The following ANKRD36C variants were observed in gnomAD, a reference collection of about 807,000 sequenced individuals.
ANKRD36C encodes ankyrin repeat domain-containing protein 36C.
ANKRD36C carries 61 observed loss-of-function variants against 276.4 expected under a neutral mutation model. The ratio of observed to expected loss-of-function variants is 0.22; its 90% confidence interval spans 0.18 to 0.27. The LOEUF is 0.27. ANKRD36C is among the 10% of genes least tolerant of loss of function. The probability of loss-of-function intolerance (pLI) is 1.00; values close to 1 mark genes in which losing one functional copy is unlikely to be tolerated. For synonymous variants in ANKRD36C, 483 were observed against 680.1 expected (o/e 0.71, Z 4.51); for missense variants, 1,447 against 2,032.3 (o/e 0.71, Z 5.54).
At chr2:95,960,438 G>C (rs772362416) in intron 10 of ANKRD36C, 35 bp downstream of exon 10, 2 of 1,540,550 alleles carry the variant, frequency 1.3e-6, no homozygotes, top group Admixed American at 3.9e-5. Context: ...TCTATCTTCA[G>C]TGAACGTGGC....
intron 6 of ANKRD36C, among the ~76,000 whole-genome samples, chr2:95,969,403 C>A (rs1678655225): frequency 6.6e-6 from 1 of 152,142 alleles, no homozygotes; most frequent in African/African-American, 2.4e-5. Context: ...CCATGGTCAA[C>A]CATGGTCCAT....
At position 95,973,326 on chromosome 2, in the gene ANKRD36C, C is replaced by T. The variant is rs147639346; in HGVS notation, c.799+4796G>A. Among the ~76,000 whole-genome samples the T allele has an allele frequency of 3.9e-3, 585 of 151,820 alleles. 19 individuals carry two copies. In the East Asian group the frequency reaches 0.089, roughly 23 times the overall value. On this transcript the variant is annotated intron_variant, in intron 6 of 66. Coordinates refer to ENST00000456556, the Ensembl canonical transcript of ANKRD36C. Reference sequence around the variant, plus strand: ...ACTTGGGAGGCTGAGGCAGGAGAAGCGCTTGAACCCAGGAGGCAGAGTTTG... The same window carrying T: ...ACTTGGGAGGCTGAGGCAGGAGAAGTGCTTGAACCCAGGAGGCAGAGTTTG...
chr2:95,910,317 G>A (rs1163130323), intron 42 of ANKRD36C, 56 bp downstream of exon 46: 8 of 1,490,904 alleles, frequency 5.4e-6, no homozygotes, highest in Non-Finnish European at 7.2e-6. Flanking sequence ...ATTTGGAGAA[G>A]AGAACTTCTT....
chr2:95,910,742 G>A (rs1315651783), intron 42 of ANKRD36C, among the ~76,000 whole-genome samples, 174 bp from the exon 45 acceptor site: 1 of 151,400 alleles, frequency 6.6e-6, no homozygotes, highest in Non-Finnish European at 1.5e-5. Context: ...TGAGAAAAGG[G>A]AATACAGGCT....
intron 22 of ANKRD36C, among the ~76,000 whole-genome samples, chr2:95,937,022 C>G (rs1210727474): frequency 4.7e-5 from 7 of 149,690 alleles, no homozygotes; most frequent in Non-Finnish European, 9.1e-5. Flanking sequence ...GGGTTATTAT[C>G]AAAGACTCAG....
At chr2:95,930,864 G>C (rs1181259229) in intron 24 of ANKRD36C, among the ~76,000 whole-genome samples, 3 of 151,498 alleles carry the variant, frequency 2.0e-5, no homozygotes, top group African/African-American at 7.2e-5. Context: ...AACGAAGCAT[G>C]TATCATTGAT....
At chr2:95,928,833 T>G (rs78273429) in intron 26 of ANKRD36C, among the ~76,000 whole-genome samples, 3 of 151,670 alleles carry the variant, frequency 2.0e-5, no homozygotes, top group South Asian at 4.1e-4. Flanking sequence ...GTGTTGAACT[T>G]CTCTCCAATG....
intron 18 of ANKRD36C, 100 bp downstream of exon 18, chr2:95,945,014 G>A: frequency 2.1e-6 from 3 of 1,411,230 alleles, no homozygotes; most frequent in South Asian, 1.3e-5. Flanking sequence ...TCCAGCCTGG[G>A]CAACATTGAG....
At chr2:95,981,120 T>C (rs886724374) in intron 4 of ANKRD36C, among the ~76,000 whole-genome samples, 2 of 151,922 alleles carry the variant, frequency 1.3e-5, no homozygotes, top group African/African-American at 2.4e-5. Flanking sequence ...TCTGATACTA[T>C]ACATTATAAT....
At chr2:95,885,377 C>T (rs963732131) in intron 52 of ANKRD36C, among the ~76,000 whole-genome samples, 1 of 151,864 alleles carries the variant, frequency 6.6e-6, no homozygotes, top group East Asian at 1.9e-4. Context: ...TGATGCCTAA[C>T]AGTAACAAAG....
chr2:95,949,071 G>A (rs1420354846), intron 16 of ANKRD36C, among the ~76,000 whole-genome samples: 2 of 152,038 alleles, frequency 1.3e-5, no homozygotes, highest in Non-Finnish European at 2.9e-5. Flanking sequence ...CTGTGTCACT[G>A]GAAAATGGGA....
intron 19 of ANKRD36C, 130 bp downstream of exon 19, chr2:95,944,497 G>C: frequency 1.0e-6 from 1 of 974,000 alleles, no homozygotes; most frequent in Non-Finnish European, 1.5e-6. Context: ...ATAAAGCATG[G>C]GAAAACTATT....
chr2:95,931,041 C>T (rs866205183), intron 24 of ANKRD36C, among the ~76,000 whole-genome samples: 3 of 151,680 alleles, frequency 2.0e-5, no homozygotes, highest in Non-Finnish European at 4.4e-5. Context: ...ATTTGACATA[C>T]ATTCTTTTTT....
intron 42 of ANKRD36C, 60 bp from the exon 45 acceptor site, chr2:95,910,628 A>T: frequency 6.3e-7 from 1 of 1,599,762 alleles, no homozygotes; most frequent in East Asian, 2.3e-5. Flanking sequence ...ATATCCATAC[A>T]TTCATGCAGC....
chr2:95,927,459 T>G (rs1677438837), intron 26 of ANKRD36C, 50 bp from the exon 27 acceptor site: 6 of 1,603,080 alleles, frequency 3.7e-6, no homozygotes, highest in African/African-American at 2.7e-5. Context: ...TATGATAAAT[T>G]TATCCATACA....
exon 48 of ANKRD36C, chr2:95,889,823 T>C: frequency 6.3e-7 from 1 of 1,597,566 alleles, no homozygotes; most frequent in East Asian, 2.3e-5. Flanking sequence ...TGTTCATCCT[T>C]TGTTTCTGTG....
At chr2:95,961,440 A>G (rs1321815431) in intron 8 of ANKRD36C, among the ~76,000 whole-genome samples, 1 of 152,092 alleles carries the variant, frequency 6.6e-6, no homozygotes, top group East Asian at 1.9e-4. Flanking sequence ...AAGCTTTTCC[A>G]TTTGGAAAAT....
chr2:95,957,427 A>G, intron 12 of ANKRD36C, among the ~76,000 whole-genome samples: 1 of 152,312 alleles, frequency 6.6e-6, no homozygotes, highest in Non-Finnish European at 1.5e-5. Flanking sequence ...AGTGTCCTGA[A>G]TTGGTCAGCT....
Position 95,908,497 on chromosome 2 carries a change from A to G in ANKRD36C, c.2653+3747T>C. On this transcript the variant is annotated intron_variant, in intron 42 of 66. Coordinates refer to ENST00000456556, the Ensembl canonical transcript of ANKRD36C. ...ACATGACATTAAATCTCTTTTCAAA[A>G]TTACCTCTCCTAGTTTTTTCTCCAT... The G allele has an allele frequency of 6.6e-7, 1 of 1,525,558 alleles. No homozygotes were observed. Among genetic ancestry groups the G allele is most frequent in the Non-Finnish European group, 8.9e-7 (1 of 1,129,598 alleles). The allele number at this position is 1,525,558 out of a possible 1,614,324, so 94.5% of individuals were successfully genotyped here.
Sources: allele counts gnomAD v4.1 joint callset (sites outside exome capture counted in the v4.1 genomes callset), GRCh38; gene constraint gnomAD v4.1.1; transcripts MANE v1.5; gene names NCBI Gene and HGNC (gene_info 2026-07-23, HGNC 2026-07-21).